The following CDK7 variants were observed in gnomAD, a reference collection of about 807,000 sequenced individuals.
The protein encoded by CDK7 is cyclin-dependent kinase 7.
Under a neutral mutation model 49.1 loss-of-function variants are expected in CDK7, and 25 were observed. The ratio of observed to expected loss-of-function variants is 0.51; its 90% CI spans 0.37 to 0.71. The LOEUF (loss-of-function observed/expected upper bound fraction) is 0.71, where lower values mean the gene tolerates loss of function less well. Ranked by LOEUF, CDK7 falls within the 30% of genes least tolerant of loss-of-function variation. The probability of loss-of-function intolerance (pLI) is 0.00; values close to 1 mark genes in which losing one functional copy is unlikely to be tolerated. For missense variants in CDK7, 316 were observed against 411.7 expected, an observed-to-expected ratio of 0.77 and a Z score of 2.01; for synonymous variants, 107 against 140.0, an observed-to-expected ratio of 0.76 and a Z score of 1.67.
chr5:69,274,225 G>C (rs1211608686), intron 10 of CDK7, among the ~76,000 whole-genome samples: 1 of 152,200 alleles, frequency 6.6e-6, no homozygotes, highest in East Asian at 1.9e-4. Context: ...TTTAAAGTGA[G>C]TTTTGTTTCA....
At chr5:69,276,793 G>C (rs1333426649) in intron 11 of CDK7, 103 bp downstream of exon 11, 1 of 978,034 alleles carries the variant, frequency 1.0e-6, no homozygotes. Context: ...TAGCTTGCTA[G>C]CTATTTAATT....
At chr5:69,247,192 G>C (rs914108933) in intron 2 of CDK7, among the ~76,000 whole-genome samples, 1 of 152,140 alleles carries the variant, frequency 6.6e-6, no homozygotes, top group East Asian at 1.9e-4. Context: ...GAAAGTGGGG[G>C]TGTTGAAGCC....
intron 8 of CDK7, among the ~76,000 whole-genome samples, chr5:69,267,526 G>C (rs1751243749): frequency 6.6e-6 from 1 of 151,688 alleles, no homozygotes; most frequent in African/African-American, 2.4e-5. Context: ...CAAACTCCTA[G>C]CCTCAATTGA....
At chr5:69,261,526 A>ATGTGTG (rs35466335) in intron 7 of CDK7, among the ~76,000 whole-genome samples, 18 of 118,044 alleles carry the variant, frequency 1.5e-4, no homozygotes, top group African/African-American at 4.7e-4. Flanking sequence ...GTGTGTGTGT[A>ATGTGTG]TGTGTGTGTG....
chr5:69,236,978 T>TTA (rs1554061340), intron 2 of CDK7, among the ~76,000 whole-genome samples: 1 of 146,658 alleles, frequency 6.8e-6, no homozygotes, highest in Non-Finnish European at 1.5e-5. Context: ...TTTTTTTTTT[T>TTA]TAACTTTTTT....
At chr5:69,268,919 G>A (rs149079775) in intron 8 of CDK7, among the ~76,000 whole-genome samples, 61 of 150,796 alleles carry the variant, frequency 4.0e-4, no homozygotes, top group Non-Finnish European at 7.8e-4. Flanking sequence ...GAAGTGGGTA[G>A]ATCACTTGAG....
intron 2 of CDK7, among the ~76,000 whole-genome samples, chr5:69,251,424 T>G (rs2150200434): frequency 6.6e-6 from 1 of 152,234 alleles, no homozygotes; most frequent in African/African-American, 2.4e-5. Context: ...TTTACATTTT[T>G]TGTAGAGACG....
At chr5:69,263,205 C>T (rs1235850308) in intron 8 of CDK7, among the ~76,000 whole-genome samples, 1 of 152,138 alleles carries the variant, frequency 6.6e-6, no homozygotes, top group Non-Finnish European at 1.5e-5. Context: ...AAGACTAGCC[C>T]TTACGAATGA....
chr5:69,262,550 T>G (rs1750897565), intron 8 of CDK7, among the ~76,000 whole-genome samples: 1 of 151,286 alleles, frequency 6.6e-6, no homozygotes, highest in Admixed American at 6.6e-5. Context: ...GTGCCTGTAG[T>G]CCCAGCTACT....
chr5:69,257,494 GTGTTCCAGATGCTTCTAGGTATA>G (rs1426830799), intron 5 of CDK7, among the ~76,000 whole-genome samples: 1 of 152,074 alleles, frequency 6.6e-6, no homozygotes, highest in Non-Finnish European at 1.5e-5. Context: ...TCTCAATATG[GTGTTCCAGATGCTTCTAGGTATA>G]TGTTTGTAGA....
chr5:69,251,397 C>T (rs967279047), intron 2 of CDK7, among the ~76,000 whole-genome samples: 1 of 152,104 alleles, frequency 6.6e-6, no homozygotes, highest in Non-Finnish European at 1.5e-5. Flanking sequence ...CGCACCCAGC[C>T]AATGCCCCAG....
Position 69,234,888 on chromosome 5 carries a change from T to G in CDK7, c.-88T>G. 7.9e-7 allele frequency: 1 copy of G among 1,271,566 alleles called. No individual in the cohort carries two copies. The highest frequency in any genetic ancestry group is 1.3e-5 in the South Asian group (1 of 77,574). 78.8% of individuals were successfully genotyped at this position (1,271,566 alleles called of 1,614,324 possible). A position where few individuals can be genotyped will look rare whatever the true frequency, so the allele number is the denominator to read the frequency against. ...AGCGACGGAGCCCGGTGGACGGAAG[T>G]GGGTGTTGGAGGCTTTAAGGTAGCT... is the stretch of plus-strand genomic sequence containing the variant. On this transcript the variant is annotated 5_prime_UTR_variant, in exon 1 of 12. Transcript: ENST00000256443.
intron 2 of CDK7, among the ~76,000 whole-genome samples, chr5:69,236,995 T>C (rs1749038410): frequency 7.2e-6 from 1 of 138,862 alleles, no homozygotes; most frequent in Admixed American, 7.4e-5. Flanking sequence ...TTTTACTTTT[T>C]TTATGTCCGT....
intron 2 of CDK7, among the ~76,000 whole-genome samples, chr5:69,237,221 C>G (rs1403154774): frequency 6.6e-6 from 1 of 152,098 alleles, no homozygotes; most frequent in African/African-American, 2.4e-5. Context: ...CCACCCCAGC[C>G]TCCAAGGTAG....
intron 3 of CDK7, among the ~76,000 whole-genome samples, 197 bp from the exon 4 acceptor site, chr5:69,254,405 C>T (rs1269448108): frequency 1.3e-5 from 2 of 151,612 alleles, no homozygotes; most frequent in Non-Finnish European, 2.9e-5. Context: ...GCCTGTAATC[C>T]CTGCTACTCT....
chr5:69,240,999 G>A (rs948697514), intron 2 of CDK7, among the ~76,000 whole-genome samples: 6 of 152,082 alleles, frequency 3.9e-5, no homozygotes, highest in African/African-American at 1.2e-4. Context: ...GTTGACAGAC[G>A]CATAGATTGC....
At chr5:69,262,105 C>A in intron 7 of CDK7, 100 bp from the exon 8 acceptor site, 1 of 1,443,060 alleles carries the variant, frequency 6.9e-7, no homozygotes, top group Non-Finnish European at 9.7e-7. Flanking sequence ...TAAGGGATTG[C>A]CTTTAAAAAC....
At chr5:69,239,872 C>T (rs987845059) in intron 2 of CDK7, among the ~76,000 whole-genome samples, 1 of 144,020 alleles carries the variant, frequency 6.9e-6, no homozygotes, top group African/African-American at 2.5e-5. Flanking sequence ...TATGAGGATC[C>T]AGTATTTTTT....
At chr5:69,271,440 A>G (rs995857733) in intron 9 of CDK7, among the ~76,000 whole-genome samples, 2 of 151,358 alleles carry the variant, frequency 1.3e-5, no homozygotes, top group African/African-American at 4.9e-5. Flanking sequence ...TTTTTCTTTA[A>G]TTGATCATCC....
Sources: gnomAD v4.1 joint callset for allele counts (sites outside exome capture counted in the v4.1 genomes callset) on GRCh38, gnomAD v4.1.1 for gene constraint, MANE v1.5 for transcripts, NCBI Gene and HGNC (gene_info 2026-07-23, HGNC 2026-07-21) for gene names.